Variants in IPO8 observed in about 807,000 individuals in gnomAD.
The protein encoded by IPO8 is importin 8.
IPO8 carries 65 observed loss-of-function variants against 141.2 expected under a neutral mutation model. That is an observed-to-expected ratio of 0.46 (90% CI 0.38 to 0.57). IPO8 has a LOEUF of 0.57. Among genes scored for constraint, IPO8 ranks in the 20% least tolerant of loss-of-function variants. IPO8 has a pLI of 0.00. For synonymous variants in IPO8, 411 were observed against 420.3 expected (o/e 0.98, Z 0.27); for missense variants, 980 against 1,246.8 (o/e 0.79, Z 3.22).
rs770408281 is a variant in IPO8, at chr12:30,630,840, G to C, written c.*20C>G. ...AAATAAAATGCAGCGATGACATTTG[G>C]TCAGCTGATGTTCTTTCCTTCAGTT... On this transcript the variant is annotated 3_prime_UTR_variant, in exon 25 of 25. Transcript: ENST00000256079. 5 of 1,571,594 alleles carry C rather than the reference G, an allele frequency of 3.2e-6. No homozygotes were observed. In the East Asian group the frequency reaches 1.1e-4, roughly 35 times the overall value.
intron 2 of IPO8, among the ~76,000 whole-genome samples, chr12:30,687,440 C>G (rs1321256016): frequency 6.6e-6 from 1 of 151,706 alleles, no homozygotes; most frequent in Non-Finnish European, 1.5e-5. Flanking sequence ...AAGCTCTGGA[C>G]CCAGAGACAC....
At chr12:30,664,328 T>A (rs577477510) in intron 13 of IPO8, among the ~76,000 whole-genome samples, 1 of 152,334 alleles carries the variant, frequency 6.6e-6, no homozygotes, top group Admixed American at 6.5e-5. Context: ...AACTATTATT[T>A]TATAAAATGC....
Position 30,659,634 on chromosome 12 carries a change from G to A in IPO8, c.1881+1507C>T, listed in dbSNP as rs529182466. Among the ~76,000 whole-genome samples the A allele has an allele frequency of 5.3e-5, 8 of 151,022 alleles. No homozygotes were observed. In the East Asian group the frequency reaches 1.2e-3, roughly 22 times the overall value. On this transcript the variant is annotated intron_variant, in intron 16 of 24. Transcript: ENST00000256079. ...TGGGAGGCCGAGGTGGGCGGATCAC[G>A]AGGTCAGGAGATCGAGACCCTCCTG...
At chr12:30,642,798 T>C (rs1291356029) in intron 20 of IPO8, among the ~76,000 whole-genome samples, 1 of 152,040 alleles carries the variant, frequency 6.6e-6, no homozygotes, top group Non-Finnish European at 1.5e-5. Flanking sequence ...TATCTAGTCG[T>C]ACCAAGACAG....
At chr12:30,656,243 G>C (rs2052798325) in intron 17 of IPO8, among the ~76,000 whole-genome samples, 1 of 152,042 alleles carries the variant, frequency 6.6e-6, no homozygotes, top group Admixed American at 6.6e-5. Context: ...TCACCATGTT[G>C]CACTGGCTGG....
chr12:30,666,368 T>G, intron 10 of IPO8, 117 bp from the exon 11 acceptor site: 2 of 572,334 alleles, frequency 3.5e-6, no homozygotes, highest in Non-Finnish European at 5.9e-6. Flanking sequence ...CATATGACAC[T>G]GCTTGACAGT....
chr12:30,644,289 T>C (rs2052611472), intron 20 of IPO8, among the ~76,000 whole-genome samples: 1 of 151,678 alleles, frequency 6.6e-6, no homozygotes, highest in African/African-American at 2.4e-5. Context: ...GAGGATCACC[T>C]GGGCCCAGGA....
At chr12:30,674,261 G>A (rs1022943558) in intron 7 of IPO8, among the ~76,000 whole-genome samples, 187 bp from the exon 8 acceptor site, 4 of 152,138 alleles carry the variant, frequency 2.6e-5, no homozygotes, top group African/African-American at 9.7e-5. Flanking sequence ...GGGCCATACT[G>A]TAAAGTTTCA....
At chr12:30,676,981 A>G (rs1160880392) in intron 5 of IPO8, 2 of 1,529,064 alleles carry the variant, frequency 1.3e-6, no homozygotes, top group East Asian at 2.5e-5. Context: ...TTTTTAAATT[A>G]CTTTCCTCTA....
At position 30,652,989 on chromosome 12, in the gene IPO8, C is replaced by T. The variant is rs765596074; in HGVS notation, c.2052G>A (p.Gln684=). 1.2e-6 allele frequency: 2 copies of T among 1,610,342 alleles called. No individual in the cohort carries two copies. The highest frequency in any genetic ancestry group is 1.7e-6 in the Non-Finnish European group (2 of 1,178,264). ...TACCTGTAAAGTATTCAAAGCAATC[C>T]TGCTGAAACACTTCATATAGTATAC... The part of the protein sequence containing the change: ...LLGILYEVFQ[Q]DCFEYFTDMM... The change falls in exon 18 of 25, where the codon CAG becomes CAA. Residue 684 remains glutamine, a synonymous_variant. Coordinates refer to ENST00000256079, the MANE Select transcript of IPO8 (RefSeq NM_006390.4).
At chr12:30,645,024 G>C (rs2052625431) in intron 20 of IPO8, among the ~76,000 whole-genome samples, 1 of 152,080 alleles carries the variant, frequency 6.6e-6, no homozygotes, top group African/African-American at 2.4e-5. Flanking sequence ...TACTGTTAAA[G>C]AAAGCTATGA....
intron 16 of IPO8, 42 bp from the exon 17 acceptor site, chr12:30,656,792 T>C (rs754092584): frequency 1.1e-6 from 1 of 927,956 alleles, no homozygotes; most frequent in Non-Finnish European, 1.6e-6. Flanking sequence ...ATTATCATAA[T>C]TAATACATAA....
chr12:30,671,499 C>T (rs1318474569), intron 8 of IPO8, among the ~76,000 whole-genome samples: 5 of 151,828 alleles, frequency 3.3e-5, no homozygotes, highest in African/African-American at 2.4e-5. Flanking sequence ...CGGTGAAACC[C>T]CGTCTCTACT....
intron 13 of IPO8, 75 bp from the exon 14 acceptor site, chr12:30,663,729 C>G: frequency 8.9e-7 from 1 of 1,126,214 alleles, no homozygotes; most frequent in East Asian, 2.7e-5. Flanking sequence ...GATATAAGAA[C>G]TTCTTAGTAA....
chr12:30,659,308 G>C (rs574762635), intron 16 of IPO8, among the ~76,000 whole-genome samples: 13 of 152,198 alleles, frequency 8.5e-5, no homozygotes, highest in African/African-American at 2.6e-4. Flanking sequence ...AGACCAACAT[G>C]GTGAAACCCC....
At chr12:30,633,982 A>G in intron 23 of IPO8, 101 bp downstream of exon 23, 1 of 1,070,868 alleles carries the variant, frequency 9.3e-7, no homozygotes, top group South Asian at 1.6e-5. Flanking sequence ...AAAATTTTTA[A>G]AAGAACCTAG....
At chr12:30,661,865 T>A (rs2052892179) in intron 15 of IPO8, among the ~76,000 whole-genome samples, 1 of 152,208 alleles carries the variant, frequency 6.6e-6, no homozygotes, top group African/African-American at 2.4e-5. Flanking sequence ...TGAAAGAAAT[T>A]ATCCTAAATG....
chr12:30,651,738 G>A (rs2052729416), intron 19 of IPO8, among the ~76,000 whole-genome samples: 1 of 150,388 alleles, frequency 6.6e-6, no homozygotes, highest in Admixed American at 6.6e-5. Flanking sequence ...TAGCCATTAT[G>A]TAGATTGTAG....
Position 30,674,737 on chromosome 12 carries a change from T to A in IPO8, c.746A>T (p.Asp249Val). The A allele has an allele frequency of 6.2e-7, 1 of 1,612,798 alleles. No homozygotes were observed. Among genetic ancestry groups the A allele is most frequent in the Middle Eastern group, 1.7e-4 (1 of 6,056 alleles). Reference protein sequence around the residue: ...RTVPPETLHIDEDDRPELVWW... With the variant: ...RTVPPETLHIVEDDRPELVWW... ...TACCAGTTCTGGTCTATCATCCTCA[T>A]CAATGTGCAGAGTCTCCTAACAGGA... The change falls in exon 7 of 25, where the codon GAT becomes GTT. Residue 249 changes from aspartate to valine, a missense_variant. This residue lies in a region of IPO8 where 924 missense variants were observed against 1,153.9 expected (regional missense o/e 0.80). Transcript: ENST00000256079.
Sources: allele counts gnomAD v4.1 joint callset (sites outside exome capture counted in the v4.1 genomes callset), GRCh38; gene constraint gnomAD v4.1.1; regional missense constraint gnomAD v4.1.1; transcripts MANE v1.5; gene names NCBI Gene and HGNC (gene_info 2026-07-23, HGNC 2026-07-21).